Variants in ESRP2 observed in about 807,000 individuals in gnomAD.
The protein encoded by ESRP2 is RNA binding motif protein 35A.
In ESRP2, 48 loss-of-function variants were observed where a neutral mutation model predicts 78.6. That is an observed-to-expected ratio of 0.61 (90% confidence interval 0.48 to 0.78). The LOEUF is 0.78. Among genes scored for constraint, ESRP2 ranks in the 30% least tolerant of loss-of-function variants. The pLI is 0.00. For missense variants in ESRP2, 863 were observed against 965.9 expected (o/e 0.89, Z 1.41); for synonymous variants, 383 against 406.7 (o/e 0.94, Z 0.70).
At chr16:68,234,984 G>T in intron 2 of ESRP2, 1 of 280,668 alleles carries the variant, frequency 3.6e-6, no homozygotes, top group Non-Finnish European at 5.4e-6. Context: ...GTCAGACATA[G>T]AATGAGCGCC....
chr16:68,235,407 G>A lies in ESRP2; in HGVS notation c.327+227C>T. 1 of 985,458 alleles carries A rather than the reference G, an allele frequency of 1.0e-6. No individual in the cohort carries two copies. Among genetic ancestry groups the A allele is most frequent in the Non-Finnish European group, 1.2e-6 (1 of 829,940 alleles). The allele number at this position is 985,458 out of a possible 1,614,324, so 61.0% of individuals were successfully genotyped here. A position where few individuals can be genotyped will look rare whatever the true frequency, so the allele number is the denominator to read the frequency against. On this transcript the variant is annotated intron_variant, in intron 2 of 14. Transcript: ENST00000473183. The surrounding 1 kb of genome is among the most constrained non-coding windows in gnomAD (Gnocchi z 5.5). ...GCCTGCGTCCCGATCCCTTCGGTAG[G>A]AGTAGGTTCCTGCAATGGTTGAAAA... is the stretch of plus-strand genomic sequence containing the variant.
Position 68,229,358 on chromosome 16 carries a change from G to A in ESRP2, c.*868C>T, listed in dbSNP as rs1294198066. Reference sequence around the variant, plus strand: ...CCTGTGTCTTTTAAAAAGTCCATTTGGTCAATAACTTTTCATTTAAGGAAG... The same window carrying A: ...CCTGTGTCTTTTAAAAAGTCCATTTAGTCAATAACTTTTCATTTAAGGAAG... On this transcript the variant is annotated 3_prime_UTR_variant, in exon 15 of 15. Coordinates refer to ENST00000473183, the MANE Select transcript of ESRP2 (RefSeq NM_024939.3). 1 of 152,670 alleles carries A rather than the reference G, an allele frequency of 6.6e-6. No individual in the cohort carries two copies. Among genetic ancestry groups the A allele is most frequent in the Non-Finnish European group, 1.5e-5 (1 of 68,020 alleles). The allele number at this position is 152,670 out of a possible 1,614,324, so 9.5% of individuals were successfully genotyped here.
At chr16:68,233,460 G>C in intron 4 of ESRP2, 35 bp from the exon 5 acceptor site, 1 of 1,485,798 alleles carries the variant, frequency 6.7e-7, no homozygotes, top group Non-Finnish European at 9.4e-7. Flanking sequence ...AGACATCTTA[G>C]CATAAGCACT....
chr16:68,235,520 G>A lies in ESRP2; in HGVS notation c.327+114C>T. 6.7e-7 allele frequency: 1 copy of A among 1,487,254 alleles called. No homozygotes were observed. Among genetic ancestry groups the A allele is most frequent in the South Asian group, 1.3e-5 (1 of 74,870 alleles). The allele number at this position is 1,487,254 out of a possible 1,614,324, so 92.1% of individuals were successfully genotyped here. A position where few individuals can be genotyped will look rare whatever the true frequency, so the allele number is the denominator to read the frequency against. Reference sequence around the variant, plus strand: ...GCTCAAAGTTTCAAACAAGAGCCCAGTCCTGCCGCCTGGACCGGTTGGTTG... The same window carrying A: ...GCTCAAAGTTTCAAACAAGAGCCCAATCCTGCCGCCTGGACCGGTTGGTTG... On this transcript the variant is annotated intron_variant, in intron 2 of 14. Coordinates refer to ENST00000473183, the MANE Select transcript of ESRP2 (RefSeq NM_024939.3). The surrounding 1 kb of genome is among the most constrained non-coding windows in gnomAD (Gnocchi z 5.5).
In ESRP2 at chr16:68,231,947, C is replaced by T. The variant is rs765108665; in HGVS notation, c.1154G>A (p.Arg385His). 6.8e-5 allele frequency: 109 copies of T among 1,613,974 alleles called. No homozygotes were observed. Among genetic ancestry groups the T allele is most frequent in the Middle Eastern group, 1.6e-4 (1 of 6,084 alleles). ...ACCAGTCGGCCGGCCATCAGGATGG[C>T]GCACAAAGAGCAGCCCCTCGGTACC... is the stretch of plus-strand genomic sequence containing the variant. ...TGGTEGLLFV[R>H]HPDGRPTGDA... Residue 385 changes from arginine (R) to histidine (H), a missense_variant, in exon 10 of 15, where the codon CGC becomes CAC. Physicochemically the swap from Arg to His is conservative, Grantham distance 29. Coordinates refer to ENST00000473183, the MANE Select transcript of ESRP2 (RefSeq NM_024939.3). The surrounding 1 kb of genome is among the most constrained non-coding windows in gnomAD (Gnocchi z 6.0).
At position 68,231,458 on chromosome 16, in the gene ESRP2, C is replaced by G. The variant is rs1313881898; in HGVS notation, c.1512+24G>C. The G allele has an allele frequency of 6.2e-7, 1 of 1,613,796 alleles. No homozygotes were observed. The highest frequency in any genetic ancestry group is 8.5e-7 in the Non-Finnish European group (1 of 1,179,872). ...ACACACCCCTTCCTATTTATGTGTTCCCCCTACCAAGCAGTGGCTTCACCT... is the reference window on the plus strand; with the variant it reads ...ACACACCCCTTCCTATTTATGTGTTGCCCCTACCAAGCAGTGGCTTCACCT... On this transcript the variant is annotated intron_variant, in intron 11 of 14. Coordinates refer to ENST00000473183, the MANE Select transcript of ESRP2 (RefSeq NM_024939.3). This position sits in a 1 kb window ranked among gnomAD's most constrained non-coding sequence, Gnocchi z 6.0.
At chr16:68,234,367 C>T (rs1172500065) in intron 2 of ESRP2, 2 of 474,686 alleles carry the variant, frequency 4.2e-6, no homozygotes, top group Non-Finnish European at 7.6e-6. Context: ...TCAACACACA[C>T]ACTCCAGGAG....
In ESRP2 at chr16:68,235,746, T is replaced by C; in HGVS notation, c.215A>G (p.Lys72Arg). 6.2e-7 allele frequency: 1 copy of C among 1,609,354 alleles called. No homozygotes were observed. Among genetic ancestry groups the C allele is most frequent in the African/African-American group, 1.3e-5 (1 of 74,956 alleles). Residue 72 changes from lysine (K) to arginine (R), a missense_variant, in exon 2 of 15, where the codon AAA becomes AGA. Physicochemically the swap from Lys to Arg is conservative, Grantham distance 26. Coordinates refer to ENST00000473183, the MANE Select transcript of ESRP2 (RefSeq NM_024939.3). This position sits in a 1 kb window ranked among gnomAD's most constrained non-coding sequence, Gnocchi z 5.5. ...GGCCGCCTCGGCACGAACCAGCGAT[T>C]TGTGCAGCGTCCCCACCTGTGAGCG... The part of the protein sequence containing the change: ...PRSRQVGTLH[K>R]SLVRAEAAAL...
Position 68,236,017 on chromosome 16 carries a change from G to A in ESRP2, c.29C>T (p.Pro10Leu). The A allele has an allele frequency of 4.0e-6, 6 of 1,489,256 alleles. No homozygotes were observed. Among genetic ancestry groups the A allele is most frequent in the Non-Finnish European group, 5.3e-6 (6 of 1,128,394 alleles). 92.3% of individuals were successfully genotyped at this position (1,489,256 alleles called of 1,614,324 possible). A position where few individuals can be genotyped will look rare whatever the true frequency, so the allele number is the denominator to read the frequency against. MTPPPPPPP[P>L]PGPDPAADPA... is the part of the protein sequence containing the mutation. ...GTCGGCCGCGGGGTCAGGGCCCGGG[G>A]GAGGGGGCGGCGGCGGCGGCGGAGT... Residue 10 changes from proline to leucine, a missense_variant, in exon 1 of 15, where the codon CCC becomes CTC. Coordinates refer to ENST00000473183, the MANE Select transcript of ESRP2 (RefSeq NM_024939.3). This position sits in a 1 kb window ranked among gnomAD's most constrained non-coding sequence, Gnocchi z 5.2.
At position 68,231,641 on chromosome 16, in the gene ESRP2, C is replaced by T; in HGVS notation, c.1353G>A (p.Leu451=). Reference sequence around the variant, plus strand: ...GTGCCAGTGGGAAGGGGATGGGCAGCAGTGGGGCAGTCAGTGTAGGAAGGA... The same window carrying T: ...GTGCCAGTGGGAAGGGGATGGGCAGTAGTGGGGCAGTCAGTGTAGGAAGGA... ...GPLLPTLTAP[L]LPIPFPLAPG... The change falls in exon 11 of 15, where the codon CTG becomes CTA. Residue 451 remains leucine, a synonymous_variant. Transcript: ENST00000473183. The surrounding 1 kb of genome is among the most constrained non-coding windows in gnomAD (Gnocchi z 6.0). The T allele has an allele frequency of 1.2e-6, 2 of 1,613,656 alleles. No homozygotes were observed. The highest frequency in any genetic ancestry group is 1.7e-6 in the Non-Finnish European group (2 of 1,179,812).
At chr16:68,233,196 C>CAA (rs377116348) in intron 5 of ESRP2, 131 bp downstream of exon 5, 6,076 of 517,378 alleles carry the variant, frequency 0.012, no homozygotes, top group Middle Eastern at 0.016. Flanking sequence ...GAGACTGTCT[C>CAA]AAAAAAAAAA....
Position 68,229,941 on chromosome 16 carries a change from C to A in ESRP2, c.*285G>T. On this transcript the variant is annotated 3_prime_UTR_variant, in exon 15 of 15. Coordinates refer to ENST00000473183, the MANE Select transcript of ESRP2 (RefSeq NM_024939.3). Reference sequence around the variant, plus strand: ...CGGCATGGGCCACAGCCAGGACAGACTTAAGGGCTCTCCAGGTGCCAGTCA... The same window carrying A: ...CGGCATGGGCCACAGCCAGGACAGAATTAAGGGCTCTCCAGGTGCCAGTCA... The A allele has an allele frequency of 2.0e-6, 1 of 496,264 alleles. No homozygotes were observed. Among genetic ancestry groups the A allele is most frequent in the Non-Finnish European group, 3.7e-6 (1 of 272,062 alleles). The allele number at this position is 496,264 out of a possible 1,614,324, so 30.7% of individuals were successfully genotyped here.
chr16:68,230,761 TG>T, intron 13 of ESRP2, 79 bp downstream of exon 13: 1 of 1,571,102 alleles, frequency 6.4e-7, no homozygotes, highest in Non-Finnish European at 8.7e-7. Flanking sequence ...AGGAGTTATC[TG>T]GTCCAGAAAG....
chr16:68,234,309 G>C, intron 2 of ESRP2: 1 of 576,776 alleles, frequency 1.7e-6, no homozygotes, highest in Non-Finnish European at 3.1e-6. Context: ...CCAGTCCACT[G>C]TCACCTCCTC....
Position 68,231,585 on chromosome 16 carries a change from C to T in ESRP2, c.1409G>A (p.Arg470Gln), listed in dbSNP as rs201907734. 42 of 1,613,942 alleles carry T rather than the reference C, an allele frequency of 2.6e-5. No individual in the cohort carries two copies. The highest frequency in any genetic ancestry group is 2.3e-4 in the South Asian group (21 of 91,074). The change falls in exon 11 of 15, where the codon CGA becomes CAA. Residue 470 changes from arginine to glutamine, a missense_variant. By Grantham distance (43) the Arg-to-Gln change is conservative. Transcript: ENST00000473183. This position sits in a 1 kb window ranked among gnomAD's most constrained non-coding sequence, Gnocchi z 6.0. ...AATGGTGGCCGTGTAGGGCAGGCCT[C>T]GGAGGCGTACACAGTCCCTCCCAGT... ...PGTGRDCVRL[R>Q]GLPYTATIED...
Position 68,235,396 on chromosome 16 carries a change from C to G in ESRP2, c.327+238G>C. ...TGGATCCCAAAGCCTGCGTCCCGATCCCTTCGGTAGGAGTAGGTTCCTGCA... is the reference window on the plus strand; with the variant it reads ...TGGATCCCAAAGCCTGCGTCCCGATGCCTTCGGTAGGAGTAGGTTCCTGCA... On this transcript the variant is annotated intron_variant, in intron 2 of 14. Transcript: ENST00000473183. This position sits in a 1 kb window ranked among gnomAD's most constrained non-coding sequence, Gnocchi z 5.5. The G allele has an allele frequency of 2.0e-6, 2 of 985,466 alleles. No homozygotes were observed. Among genetic ancestry groups the G allele is most frequent in the Non-Finnish European group, 2.4e-6 (2 of 829,942 alleles). The allele number at this position is 985,466 out of a possible 1,614,324, so 61.0% of individuals were successfully genotyped here.
At position 68,230,861 on chromosome 16, in the gene ESRP2, G is replaced by C; in HGVS notation, c.1878C>G (p.Asn626Lys). 1 of 1,614,066 alleles carries C rather than the reference G, an allele frequency of 6.2e-7. No homozygotes were observed. Among genetic ancestry groups the C allele is most frequent in the East Asian group, 2.2e-5 (1 of 44,874 alleles). ...GGTACCTTGGGTAGTAGGCTGTGTA[G>C]TTCAGGTAGAGTTGAGTGGCTGGCC... The part of the protein sequence containing the change: ...YPGPATQLYL[N>K]YTAYYPSPPV... The change falls in exon 13 of 15, where the codon AAC becomes AAG. Residue 626 changes from asparagine (N) to lysine (K), a missense_variant. Asn to Lys is a moderately conservative substitution (Grantham distance 94). Transcript: ENST00000473183.
At position 68,233,336 on chromosome 16, in the gene ESRP2, C is replaced by T; in HGVS notation, c.646G>A (p.Glu216Lys). 2.5e-6 allele frequency: 4 copies of T among 1,613,560 alleles called. No homozygotes were observed. The highest frequency in any genetic ancestry group is 3.4e-6 in the Non-Finnish European group (4 of 1,179,480). ...GTGAGGGAAACCTTACTGCTGGGCTCTTTGAGTAGATGGAGGATAACAGCT... is the reference window on the plus strand; with the variant it reads ...GTGAGGGAAACCTTACTGCTGGGCTTTTTGAGTAGATGGAGGATAACAGCT... ...MVAVILHLLK[E>K]PSSQLFSKPE... The change falls in exon 5 of 15, where the codon GAG (glutamate) becomes AAG (lysine). Residue 216 changes from glutamate to lysine, a missense_variant. Coordinates refer to ENST00000473183, the MANE Select transcript of ESRP2 (RefSeq NM_024939.3).
At position 68,230,710 on chromosome 16, in the gene ESRP2, C is replaced by T. The variant is rs1024646617; in HGVS notation, c.1898+131G>A. On this transcript the variant is annotated intron_variant, in intron 13 of 14. Transcript: ENST00000473183. ...CATTTTCGATCTGTTTTGTAGATGG[C>T]ATTAGCCAGCTGCCACCTTACTCCC... 7 of 1,441,260 alleles carry T rather than the reference C, an allele frequency of 4.9e-6. No individual in the cohort carries two copies. In the South Asian group the frequency reaches 9.1e-5, roughly 19 times the overall value. 89.3% of individuals were successfully genotyped at this position (1,441,260 alleles called of 1,614,324 possible). A position where few individuals can be genotyped will look rare whatever the true frequency, so the allele number is the denominator to read the frequency against.
Sources: gnomAD v4.1 joint callset for allele counts on GRCh38, gnomAD v4.1.1 for gene constraint, Gnocchi (gnomAD v3.1) non-coding constraint, MANE v1.5 for transcripts, NCBI Gene and HGNC (gene_info 2026-07-23, HGNC 2026-07-21) for gene names.